Variants in ARHGAP12 observed in about 807,000 individuals in gnomAD.
The protein encoded by ARHGAP12 is Rho GTPase activating protein 12, also known as rho GTPase-activating protein 12.
A neutral mutation model predicts 108.6 loss-of-function variants in ARHGAP12; 64 were observed. That is an observed-to-expected ratio of 0.59 (90% CI 0.48 to 0.73). The LOEUF (loss-of-function observed/expected upper bound fraction) is 0.73, where lower values mean the gene tolerates loss of function less well. ARHGAP12 is among the 30% of genes least tolerant of loss of function. The pLI is 0.00. For missense variants in ARHGAP12, 940 were observed against 1,005.9 expected (o/e 0.93, Z 0.89); for synonymous variants, 312 against 337.2 (o/e 0.93, Z 0.82).
At chr10:31,850,210 ACTT>A (rs1400519191) in intron 6 of ARHGAP12, among the ~76,000 whole-genome samples, 1 of 152,210 alleles carries the variant, frequency 6.6e-6, no homozygotes, top group African/African-American at 2.4e-5. Context: ...GGAACAAAAA[ACTT>A]AATATGTTTA....
At chr10:31,919,150 G>A (rs1414483747) in intron 1 of ARHGAP12, among the ~76,000 whole-genome samples, 1 of 152,214 alleles carries the variant, frequency 6.6e-6, no homozygotes, top group African/African-American at 2.4e-5. Context: ...ATGATTTCAT[G>A]TATATAAGGT....
intron 9 of ARHGAP12, among the ~76,000 whole-genome samples, chr10:31,836,658 C>T (rs1836028646): frequency 6.6e-6 from 1 of 152,074 alleles, no homozygotes; most frequent in Non-Finnish European, 1.5e-5. Flanking sequence ...ATCACTAAGC[C>T]TTTATACCAA....
intron 1 of ARHGAP12, among the ~76,000 whole-genome samples, chr10:31,920,444 C>G (rs1440638177): frequency 1.2e-5 from 1 of 83,790 alleles, no homozygotes; most frequent in Non-Finnish European, 2.1e-5. Flanking sequence ...AGTGAGACTC[C>G]GTCTCAAAAA....
At chr10:31,845,484 T>C (rs964908293) in intron 6 of ARHGAP12, among the ~76,000 whole-genome samples, 14 of 152,118 alleles carry the variant, frequency 9.2e-5, no homozygotes, top group African/African-American at 3.1e-4. Flanking sequence ...TAATGTGTCA[T>C]TGTAAGAAAG....
Position 31,839,155 on chromosome 10 carries a change from G to C in ARHGAP12, c.1386+150C>G, listed in dbSNP as rs866196210. 84 of 712,124 alleles carry C rather than the reference G, an allele frequency of 1.2e-4. 1 individual carries two copies. In the South Asian group the frequency reaches 1.7e-3, roughly 14 times the overall value. The allele number at this position is 712,124 out of a possible 1,614,324, so 44.1% of individuals were successfully genotyped here. On this transcript the variant is annotated intron_variant, in intron 9 of 19. Transcript: ENST00000344936. Reference sequence around the variant, plus strand: ...CAGAGTTAAGACAGGTATCTTAACAGAAGTCACATGGAGGTTTTCCAGTTT... The same window carrying C: ...CAGAGTTAAGACAGGTATCTTAACACAAGTCACATGGAGGTTTTCCAGTTT...
At chr10:31,873,466 C>G (rs1837613506) in intron 3 of ARHGAP12, among the ~76,000 whole-genome samples, 1 of 152,162 alleles carries the variant, frequency 6.6e-6, no homozygotes. Context: ...TTGAGTTATT[C>G]AGTCTCACTA....
In ARHGAP12 at chr10:31,809,267, G is replaced by A. The variant is rs751898208; in HGVS notation, c.2091C>T (p.Leu697=). The change falls in exon 17 of 20, where the codon CTC becomes CTT. Residue 697 remains leucine, a synonymous_variant. Coordinates refer to ENST00000344936, the MANE Select transcript of ARHGAP12 (RefSeq NM_018287.7). The stretch of plus-strand genomic sequence containing the variant: ...CAAACCTTAGTTTCTGGATCACTGC[G>A]AGGTTGCCACTTACTCTGTATATCC... ...IDGIYRVSGN[L]AVIQKLRFAV... is the part of the protein sequence containing the mutation. 40 of 1,613,778 alleles carry A rather than the reference G, an allele frequency of 2.5e-5. No homozygotes were observed. Among genetic ancestry groups the A allele is most frequent in the East Asian group, 6.7e-5 (3 of 44,866 alleles).
chr10:31,904,168 C>T (rs1369969813), intron 3 of ARHGAP12, among the ~76,000 whole-genome samples: 1 of 152,174 alleles, frequency 6.6e-6, no homozygotes, highest in African/African-American at 2.4e-5. Flanking sequence ...GAAATGTTTA[C>T]AGCAGCTTTG....
intron 13 of ARHGAP12, among the ~76,000 whole-genome samples, chr10:31,815,178 A>G (rs1835160005): frequency 6.6e-6 from 1 of 152,036 alleles, no homozygotes; most frequent in South Asian, 2.1e-4. Context: ...GAGCTCATCT[A>G]TAACTAAGGT....
Position 31,810,716 on chromosome 10 carries a change from C to A in ARHGAP12, c.1983G>T (p.Leu661=), listed in dbSNP as rs748769277. Reference sequence around the variant, plus strand: ...GTACTGTGCCATTCTCTCTCTGACACAGATTAGCGAGATTGGATCCAAATA... The same window carrying A: ...GTACTGTGCCATTCTCTCTCTGACAAAGATTAGCGAGATTGGATCCAAATA... The part of the protein sequence containing the change: ...DQVFGSNLAN[L]CQRENGTVPK... Residue 661 remains leucine (L), a synonymous_variant, in exon 16 of 20, where the codon CTG becomes CTT. Transcript: ENST00000344936. 1 of 1,609,330 alleles carries A rather than the reference C, an allele frequency of 6.2e-7. No individual in the cohort carries two copies. The highest frequency in any genetic ancestry group is 1.1e-5 in the South Asian group (1 of 90,266).
At chr10:31,827,104 C>T (rs963785794) in intron 10 of ARHGAP12, 3 of 152,154 alleles carry the variant, frequency 2.0e-5, no homozygotes, top group African/African-American at 7.2e-5. Context: ...TATCTACTAT[C>T]CTATCTCCAG....
chr10:31,825,121 G>A (rs142282157), intron 11 of ARHGAP12, among the ~76,000 whole-genome samples: 39 of 152,252 alleles, frequency 2.6e-4, no homozygotes, highest in African/African-American at 9.1e-4. Flanking sequence ...AAACAAAACA[G>A]AAGAAACGAT....
chr10:31,850,186 C>T lies in ARHGAP12; in HGVS notation c.1170+2331G>A, dbSNP rs527567752. On this transcript the variant is annotated intron_variant, in intron 6 of 19. Transcript: ENST00000344936. Reference sequence around the variant, plus strand: ...TGAGGTACTGTTAAGAGCTACAATTCAAATCTGTCAAGCGGAACAAAAAAC... The same window carrying T: ...TGAGGTACTGTTAAGAGCTACAATTTAAATCTGTCAAGCGGAACAAAAAAC... 5.3e-5 allele frequency among the ~76,000 whole-genome samples: 8 copies of T among 152,272 alleles called. No homozygotes were observed. The East Asian group carries it at 1.5e-3, about 29-fold the overall frequency.
At chr10:31,922,049 G>C (rs1487855533) in intron 1 of ARHGAP12, among the ~76,000 whole-genome samples, 3 of 150,976 alleles carry the variant, frequency 2.0e-5, no homozygotes, top group African/African-American at 4.9e-5. Flanking sequence ...AAATTAGCCG[G>C]GTGTGGTTGG....
chr10:31,900,639 G>C (rs932723753), intron 3 of ARHGAP12, among the ~76,000 whole-genome samples: 1 of 152,148 alleles, frequency 6.6e-6, no homozygotes, highest in Non-Finnish European at 1.5e-5. Context: ...AGACATTCTA[G>C]AATAGACAAA....
intron 19 of ARHGAP12, among the ~76,000 whole-genome samples, 200 bp from the exon 20 acceptor site, chr10:31,808,032 A>G (rs545130333): frequency 6.6e-6 from 1 of 152,328 alleles, no homozygotes; most frequent in Non-Finnish European, 1.5e-5. Flanking sequence ...CACAGCTGAA[A>G]GATACAATTA....
chr10:31,808,590 C>G (rs926496474), intron 19 of ARHGAP12, 59 bp downstream of exon 19: 4 of 1,494,404 alleles, frequency 2.7e-6, no homozygotes, highest in Non-Finnish European at 3.7e-6. Context: ...CCTGGCCCCA[C>G]AGGCCTTCCC....
chr10:31,916,230 C>G (rs1478847440), intron 1 of ARHGAP12, among the ~76,000 whole-genome samples: 1 of 152,164 alleles, frequency 6.6e-6, no homozygotes, highest in East Asian at 1.9e-4. Flanking sequence ...ATACCTACTG[C>G]CTGCTACACC....
At chr10:31,894,524 A>G (rs1838594754) in intron 3 of ARHGAP12, among the ~76,000 whole-genome samples, 1 of 152,134 alleles carries the variant, frequency 6.6e-6, no homozygotes, top group Non-Finnish European at 1.5e-5. Flanking sequence ...TAAAATACCT[A>G]GGAATCCAAC....
Sources: allele counts gnomAD v4.1 joint callset (sites outside exome capture counted in the v4.1 genomes callset), GRCh38; gene constraint gnomAD v4.1.1; transcripts MANE v1.5; gene names NCBI Gene and HGNC (gene_info 2026-07-23, HGNC 2026-07-21).